XXYLT1: variants seen among roughly 807,000 people sequenced by gnomAD.
XXYLT1 encodes the protein xyloside xylosyltransferase 1.
XXYLT1 carries 20 observed loss-of-function variants against 28.9 expected under a neutral mutation model. The ratio of observed to expected loss-of-function variants is 0.69; its 90% CI spans 0.49 to 1.00. XXYLT1 has a LOEUF of 1.00. Ranked by LOEUF, XXYLT1 falls within the 50% of genes least tolerant of loss-of-function variation. XXYLT1 has a pLI of 0.00. For synonymous variants in XXYLT1, 257 were observed against 253.8 expected (o/e 1.01, Z -0.12); for missense variants, 542 against 560.1 (o/e 0.97, Z 0.33).
intron 2 of XXYLT1, among the ~76,000 whole-genome samples, chr3:195,159,917 G>A (rs1434632441): frequency 6.6e-6 from 1 of 152,112 alleles, no homozygotes; most frequent in Non-Finnish European, 1.5e-5. Flanking sequence ...TGAGCTGGAC[G>A]TTTCTCTGTC....
At chr3:195,136,710 G>A (rs922613096) in intron 3 of XXYLT1, among the ~76,000 whole-genome samples, 2 of 152,138 alleles carry the variant, frequency 1.3e-5, no homozygotes, top group African/African-American at 4.8e-5. Context: ...TATAAGCCCT[G>A]GCCAGAAGCA....
intron 1 of XXYLT1, among the ~76,000 whole-genome samples, chr3:195,262,324 A>G (rs2410840): frequency 0.83 from 126,747 of 152,114 alleles, 53,109 homozygotes; most frequent in East Asian, 0.95. Flanking sequence ...CTCTAGGGGC[A>G]GGGGAGACAG....
chr3:195,140,141 G>A (rs930281733), intron 3 of XXYLT1, among the ~76,000 whole-genome samples: 1 of 152,200 alleles, frequency 6.6e-6, no homozygotes, highest in African/African-American at 2.4e-5. Context: ...TCTGAGACCA[G>A]CCAGAAATCA....
chr3:195,189,820 G>A (rs1166353032), intron 2 of XXYLT1, among the ~76,000 whole-genome samples: 1 of 152,076 alleles, frequency 6.6e-6, no homozygotes, highest in African/African-American at 2.4e-5. Flanking sequence ...TCCCAAACTT[G>A]ATGTAAAACA....
intron 1 of XXYLT1, among the ~76,000 whole-genome samples, chr3:195,236,268 G>A (rs1279361181): frequency 6.6e-6 from 1 of 152,136 alleles, no homozygotes; most frequent in East Asian, 1.9e-4. Flanking sequence ...AATCTGCCTG[G>A]TGCTCTATTC....
At chr3:195,156,377 C>A (rs968350208) in intron 3 of XXYLT1, 72 bp downstream of exon 3, 1 of 1,572,558 alleles carries the variant, frequency 6.4e-7, no homozygotes, top group Admixed American at 1.8e-5. Context: ...CAATCTGTCA[C>A]GGCTGGCAGA....
At chr3:195,193,117 C>G (rs1253789532) in intron 2 of XXYLT1, among the ~76,000 whole-genome samples, 1 of 152,000 alleles carries the variant, frequency 6.6e-6, no homozygotes, top group African/African-American at 2.4e-5. Context: ...GAAACCCTGT[C>G]TCTACTAAAA....
intron 2 of XXYLT1, among the ~76,000 whole-genome samples, chr3:195,222,040 G>A (rs763057532): frequency 2.0e-5 from 3 of 152,218 alleles, no homozygotes; most frequent in Non-Finnish European, 4.4e-5. Context: ...CCTGCTCCAA[G>A]GGGGCGATCA....
In XXYLT1 at chr3:195,069,829, C is replaced by T. The variant is rs1438032966; in HGVS notation, c.1068G>A (p.Leu356=). The T allele has an allele frequency of 1.2e-6, 2 of 1,614,198 alleles. No individual in the cohort carries two copies. Among genetic ancestry groups the T allele is most frequent in the East Asian group, 4.5e-5 (2 of 44,884 alleles). The change falls in exon 4 of 4, where the codon CTG becomes CTA. Residue 356 remains leucine (L), a synonymous_variant. Transcript: ENST00000310380. ...HVLDCTWNRQ[L]CTWWRDHGYS... ...AGCCATGGTCCCTCCACCAGGTGCA[C>T]AGCTGCCGGTTCCAGGTACAGTCCA... is the stretch of plus-strand genomic sequence containing the variant.
At chr3:195,164,176 C>T (rs903833051) in intron 2 of XXYLT1, among the ~76,000 whole-genome samples, 2 of 152,260 alleles carry the variant, frequency 1.3e-5, no homozygotes, top group African/African-American at 2.4e-5. Flanking sequence ...ACCCACTTTA[C>T]AGATCAAGAA....
Position 195,270,712 on chromosome 3 carries a change from G to A in XXYLT1, c.347C>T (p.Ala116Val). ...TKAEHNAALQ[A>V]KARVALRSLL... is the part of the protein sequence containing the mutation. ...TGAGCGCAGCGCGACGCGGGCCTTG[G>A]CCTGCAGCGCGGCATTGTGCTCCGC... is the stretch of plus-strand genomic sequence containing the variant. Residue 116 changes from alanine to valine, a missense_variant, in exon 1 of 4, where the codon GCC (alanine) becomes GTC (valine). Coordinates refer to ENST00000310380, the MANE Select transcript of XXYLT1 (RefSeq NM_152531.5). 6.3e-7 allele frequency: 1 copy of A among 1,590,408 alleles called. No homozygotes were observed. The highest frequency in any genetic ancestry group is 8.5e-7 in the Non-Finnish European group (1 of 1,172,732).
intron 2 of XXYLT1, among the ~76,000 whole-genome samples, chr3:195,198,105 T>C (rs1722705601): frequency 6.6e-6 from 1 of 152,228 alleles, no homozygotes; most frequent in Non-Finnish European, 1.5e-5. Flanking sequence ...GGCTTGGGGA[T>C]AGAGCATATA....
intron 1 of XXYLT1, among the ~76,000 whole-genome samples, chr3:195,229,886 T>C (rs190166700): frequency 6.6e-6 from 1 of 152,214 alleles, no homozygotes; most frequent in African/African-American, 2.4e-5. Context: ...TTAATTCCTT[T>C]CTTTTGGGTA....
At chr3:195,219,059 A>G (rs150804765) in intron 2 of XXYLT1, among the ~76,000 whole-genome samples, 8,293 of 150,612 alleles carry the variant, frequency 0.055, 717 homozygotes, top group African/African-American at 0.19. Flanking sequence ...GTAAACTATC[A>G]CAAGAACAAA....
chr3:195,156,858 T>C (rs983975353), intron 2 of XXYLT1, among the ~76,000 whole-genome samples: 2 of 152,214 alleles, frequency 1.3e-5, no homozygotes, highest in African/African-American at 4.8e-5. Context: ...GTCGGCCTGC[T>C]GTCCTGATGT....
At chr3:195,226,558 G>GGCGCCGTATCAT in intron 2 of XXYLT1, 151 bp downstream of exon 2, 2 of 983,962 alleles carry the variant, frequency 2.0e-6, no homozygotes, top group South Asian at 2.0e-5. Flanking sequence ...AAGCTCGGTG[G>GGCGCCGTATCAT]TACAAAGGGC....
intron 2 of XXYLT1, among the ~76,000 whole-genome samples, chr3:195,187,778 G>A (rs540553546): frequency 7.9e-5 from 12 of 152,236 alleles, no homozygotes; most frequent in Middle Eastern, 3.4e-3. Flanking sequence ...GGAAAGACCC[G>A]GGGCTGAGGA....
chr3:195,244,884 G>A (rs776340892), intron 1 of XXYLT1, among the ~76,000 whole-genome samples: 1 of 140,952 alleles, frequency 7.1e-6, no homozygotes, highest in East Asian at 2.3e-4. Context: ...ACCCACTCCC[G>A]GCCGGGTGCG....
Position 195,101,298 on chromosome 3 carries a change from C to A in XXYLT1, c.786-31187G>T, listed in dbSNP as rs112261416. On this transcript the variant is annotated intron_variant, in intron 3 of 3. Coordinates refer to ENST00000310380, the MANE Select transcript of XXYLT1 (RefSeq NM_152531.5). ...ATGTACTAGTTAATTAAACACTGTA[C>A]CCCCACTGCCACCTTCATCAAAATC... Among the ~76,000 whole-genome samples, 8 of 152,364 alleles carry A rather than the reference C, an allele frequency of 5.3e-5. 1 individual carries two copies. The highest frequency in any genetic ancestry group is 1.7e-4 in the African/African-American group (7 of 41,592).
Sources: gnomAD v4.1 joint callset for allele counts (sites outside exome capture counted in the v4.1 genomes callset) on GRCh38, gnomAD v4.1.1 for gene constraint, MANE v1.5 for transcripts, NCBI Gene and HGNC (gene_info 2026-07-23, HGNC 2026-07-21) for gene names.